Variants in DNASE1 observed in about 807,000 individuals in gnomAD.
DNASE1 encodes the protein deoxyribonuclease 1, also known as deoxyribonuclease-1.
Under a neutral mutation model 33.9 loss-of-function variants are expected in DNASE1, and 40 were observed. The observed-to-expected ratio is 1.18, with a 90% CI of 0.92 to 1.54. The LOEUF is 1.54. Among genes scored for constraint, DNASE1 ranks in the 40% most tolerant of loss-of-function variants. The probability of loss-of-function intolerance (pLI) is 0.00; values close to 1 mark genes in which losing one functional copy is unlikely to be tolerated. For synonymous variants in DNASE1, 216 were observed against 160.0 expected (o/e 1.35, Z -2.64); for missense variants, 518 against 372.6 (o/e 1.39, Z -3.21).
chr16:3,617,609 C>T (rs2041155977), intron 1 of DNASE1, among the ~76,000 whole-genome samples: 1 of 152,050 alleles, frequency 6.6e-6, no homozygotes. Flanking sequence ...TATGTGAAGG[C>T]CTCAACCGCA....
At chr16:3,622,095 C>T (rs950808471) in intron 1 of DNASE1, among the ~76,000 whole-genome samples, 1 of 151,810 alleles carries the variant, frequency 6.6e-6, no homozygotes, top group African/African-American at 2.4e-5. Context: ...TGGCGCACCC[C>T]TGTAATTCCA....
chr16:3,635,527 C>T (rs2041843815), intron 1 of DNASE1, among the ~76,000 whole-genome samples: 1 of 149,576 alleles, frequency 6.7e-6, no homozygotes. Context: ...TTCTCTAATG[C>T]TCTTCCTTTA....
intron 1 of DNASE1, among the ~76,000 whole-genome samples, chr16:3,635,670 G>T (rs960914189): frequency 6.6e-6 from 1 of 150,938 alleles, no homozygotes; most frequent in Admixed American, 6.6e-5. Context: ...CTCTTTTGAA[G>T]GGTAATTTTA....
At position 3,655,486 on chromosome 16, in the gene DNASE1, T is replaced by G; in HGVS notation, c.113T>G (p.Met38Arg). 1.2e-6 allele frequency: 2 copies of G among 1,614,134 alleles called. No individual in the cohort carries two copies. The highest frequency in any genetic ancestry group is 3.3e-5 in the Admixed American group (2 of 60,022). ...ATCCAGACATTTGGGGAGACCAAGA[T>G]GTCCAATGCCACCCTCGTCAGCTAC... ...FNIQTFGETK[M>R]SNATLVSYIV... is the part of the protein sequence containing the mutation. The change falls in exon 2 of 9, where the codon ATG becomes AGG. Residue 38 changes from methionine (M) to arginine (R), a missense_variant. Physicochemically the swap from Met to Arg is moderately conservative, Grantham distance 91 (BLOSUM62 -1). Coordinates refer to ENST00000246949, the MANE Select transcript of DNASE1 (RefSeq NM_005223.4).
rs145874211 is a variant in DNASE1, at chr16:3,614,646, A to G, written c.-1359+2640A>G. Reference sequence around the variant, plus strand: ...TACTGGCTTGGTGTGTGAGAGTTAGATAAAGGGGGGAGGCTGACTTGCCTG... The same window carrying G: ...TACTGGCTTGGTGTGTGAGAGTTAGGTAAAGGGGGGAGGCTGACTTGCCTG... On this transcript the variant is annotated intron_variant and NMD_transcript_variant, in intron 1 of 11. Coordinates refer to the DNASE1 transcript ENST00000570769. Among the ~76,000 whole-genome samples, 1,104 of 152,290 alleles carry G rather than the reference A, an allele frequency of 7.2e-3. 17 individuals carry two copies. Among genetic ancestry groups the G allele is most frequent in the African/African-American group, 0.025 (1,044 of 41,566 alleles).
At chr16:3,639,202 C>T (rs1814105449), upstream of DNASE1, among the ~76,000 whole-genome samples, 1 of 152,194 alleles carries the variant, frequency 6.6e-6, no homozygotes. Context: ...AACATTTCTC[C>T]CTTGCCCCAT....
intron 1 of DNASE1, among the ~76,000 whole-genome samples, chr16:3,628,607 G>A (rs1388988888): frequency 1.3e-5 from 2 of 151,306 alleles, no homozygotes; most frequent in East Asian, 3.9e-4. Context: ...GCCCAGGCTG[G>A]AGTGCAGTGG....
At chr16:3,617,677 G>A (rs776750881) in intron 1 of DNASE1, among the ~76,000 whole-genome samples, 21 of 152,166 alleles carry the variant, frequency 1.4e-4, no homozygotes, top group Non-Finnish European at 2.5e-4. Context: ...CATGTGTGGT[G>A]GCTCATGCCG....
At chr16:3,622,031 G>T (rs2041334764) in intron 1 of DNASE1, among the ~76,000 whole-genome samples, 6 of 152,104 alleles carry the variant, frequency 3.9e-5, no homozygotes, top group Admixed American at 3.9e-4. Flanking sequence ...GAACAGCGTG[G>T]CCAACATGTT....
chr16:3,639,864 C>G (rs1264288085), upstream of DNASE1, among the ~76,000 whole-genome samples: 5 of 152,180 alleles, frequency 3.3e-5, no homozygotes, highest in African/African-American at 9.7e-5. Context: ...GAGTTCAAGA[C>G]CAGCCTGGGC....
intron 1 of DNASE1, among the ~76,000 whole-genome samples, chr16:3,620,318 C>T (rs138945074): frequency 1.3e-5 from 2 of 152,090 alleles, no homozygotes; most frequent in Non-Finnish European, 2.9e-5. Context: ...GACTGGGTAA[C>T]AAGCATTTCA....
chr16:3,655,768 C>T, intron 2 of DNASE1, 81 bp from the exon 3 acceptor site: 1 of 1,543,600 alleles, frequency 6.5e-7, no homozygotes, highest in Non-Finnish European at 8.9e-7. Context: ...CCACGAGCAT[C>T]AGCTGTGGCT....
intron 1 of DNASE1, among the ~76,000 whole-genome samples, chr16:3,633,388 C>G (rs925415463): frequency 6.6e-6 from 1 of 152,162 alleles, no homozygotes; most frequent in Non-Finnish European, 1.5e-5. Context: ...GGGTGGATCA[C>G]CTGAGGTCAG....
Position 3,656,731 on chromosome 16 carries a change from C to A in DNASE1, c.414C>A (p.Val138=). 5 of 1,611,496 alleles carry A rather than the reference C, an allele frequency of 3.1e-6. No individual in the cohort carries two copies. The highest frequency in any genetic ancestry group is 4.2e-6 in the Non-Finnish European group (5 of 1,178,780). The change falls in exon 5 of 9, where the codon GTC becomes GTA. Residue 138 remains valine (V), a synonymous_variant. Coordinates refer to ENST00000246949, the MANE Select transcript of DNASE1 (RefSeq NM_005223.4). The part of the protein sequence containing the change: ...NDTFNREPAI[V]RFFSRFTEVR... The stretch of plus-strand genomic sequence containing the variant: ...CCTTCAACCGAGAGCCAGCCATTGT[C>A]AGGTTCTTCTCCCGGTTCACAGGTG...
chr16:3,658,029 A>G lies in DNASE1; in HGVS notation c.*76A>G, dbSNP rs1343817821. ...CCACAGGACCCAGAAAAAAAGCCCA[A>G]CACACACTCGGGTTAAGAAATACCT... On this transcript the variant is annotated 3_prime_UTR_variant, in exon 9 of 9. Coordinates refer to ENST00000246949, the MANE Select transcript of DNASE1 (RefSeq NM_005223.4). 2.7e-5 allele frequency: 43 copies of G among 1,609,916 alleles called. 1 individual carries two copies. Among genetic ancestry groups the G allele is most frequent in the East Asian group, 6.7e-5 (3 of 44,794 alleles).
chr16:3,661,736 A>G, downstream of DNASE1: 2 of 410,076 alleles, frequency 4.9e-6, no homozygotes, highest in African/African-American at 4.1e-5. Flanking sequence ...CAAAGCCATA[A>G]AGCAAAACGA....
At chr16:3,639,444 A>G (rs1438427804), upstream of DNASE1, among the ~76,000 whole-genome samples, 2 of 152,126 alleles carry the variant, frequency 1.3e-5, no homozygotes, top group Non-Finnish European at 1.5e-5. Context: ...GCAGCCTTCC[A>G]GCTCACTGTG....
At chr16:3,663,361 G>A (rs2050733005) in exon 10 of DNASE1, 4 of 1,602,350 alleles carry the variant, frequency 2.5e-6, no homozygotes, top group Non-Finnish European at 3.4e-6. Context: ...CCTCGCTGCG[G>A]GGCAGGAGAG....
downstream of DNASE1, chr16:3,660,395 G>A (rs989749181): frequency 2.6e-5 from 4 of 152,272 alleles, no homozygotes; most frequent in Non-Finnish European, 5.9e-5. Context: ...CCACCACTTT[G>A]GGAGGCCAAG....
Sources: allele counts gnomAD v4.1 joint callset (sites outside exome capture counted in the v4.1 genomes callset), GRCh38; gene constraint gnomAD v4.1.1; transcripts MANE v1.5; gene names NCBI Gene and HGNC (gene_info 2026-07-23, HGNC 2026-07-21).